The following DNAJC10 variants were observed in gnomAD, a reference collection of about 807,000 sequenced individuals.
DNAJC10 encodes the protein DnaJ heat shock protein family (Hsp40) member C10, also known as endoplasmic reticulum disulfide reductase DNAJC10.
Under a neutral mutation model 115.0 loss-of-function variants are expected in DNAJC10, and 101 were observed. That is an observed-to-expected ratio of 0.88 (90% CI 0.75 to 1.04). The LOEUF (loss-of-function observed/expected upper bound fraction) is 1.04. Ranked by LOEUF, DNAJC10 falls within the 50% of genes least tolerant of loss-of-function variation. The pLI, the probability that DNAJC10 is intolerant of heterozygous loss-of-function variation, is 0.00. For missense variants in DNAJC10, 981 were observed against 928.8 expected (o/e 1.06, Z -0.73); for synonymous variants, 307 against 301.5 (o/e 1.02, Z -0.19).
At position 182,718,237 on chromosome 2, in the gene DNAJC10, A is replaced by T. The variant is rs1278577283; in HGVS notation, c.151A>T (p.Ile51Leu). 2 of 1,612,942 alleles carry T rather than the reference A, an allele frequency of 1.2e-6. No homozygotes were observed. Among genetic ancestry groups the T allele is most frequent in the Non-Finnish European group, 8.5e-7 (1 of 1,179,710 alleles). ...GVSKTASSRE[I>L]RQAFKKLALK... ...GTCCAAAACTGCAAGCAGTAGAGAA[A>T]TAAGACAAGCTTTCAAGAAATTGGC... is the stretch of plus-strand genomic sequence containing the variant. Residue 51 changes from isoleucine (I) to leucine (L), a missense_variant, in exon 3 of 24, where the codon ATA becomes TTA. Ile to Leu is a conservative substitution (Grantham distance 5). Transcript: ENST00000264065.
intron 14 of DNAJC10, among the ~76,000 whole-genome samples, chr2:182,746,199 G>A (rs1460532271): frequency 3.9e-5 from 6 of 152,114 alleles, no homozygotes; most frequent in South Asian, 2.1e-4. Context: ...ATAAACATAC[G>A]TGTGCATGTG....
In DNAJC10 at chr2:182,788,486, A is replaced by T. The variant is rs1211697951; in HGVS notation, c.*11354A>T. The T allele has an allele frequency of 9.8e-6, 2 of 203,616 alleles. No individual in the cohort carries two copies. The highest frequency in any genetic ancestry group is 3.0e-4 in the East Asian group (2 of 6,698). 12.6% of individuals were successfully genotyped at this position (203,616 alleles called of 1,614,324 possible). A position where few individuals can be genotyped will look rare whatever the true frequency, so the allele number is the denominator to read the frequency against. On this transcript the variant is annotated 3_prime_UTR_variant, in exon 24 of 24. Transcript: ENST00000264065. Reference sequence around the variant, plus strand: ...AAATAAGTTATAAAACCACCAAAAAATAGGAGAAAATGGGAGTAAAAACAA... The same window carrying T: ...AAATAAGTTATAAAACCACCAAAAATTAGGAGAAAATGGGAGTAAAAACAA...
At chr2:182,755,175 T>C (rs1443897584) in intron 17 of DNAJC10, 71 bp downstream of exon 17, 1 of 909,872 alleles carries the variant, frequency 1.1e-6, no homozygotes, top group Admixed American at 1.9e-5. Flanking sequence ...GAATGTTTCA[T>C]ATTGTTTAAT....
At chr2:182,739,615 T>G in intron 11 of DNAJC10, 9 of 1,148,244 alleles carry the variant, frequency 7.8e-6, no homozygotes, top group Non-Finnish European at 9.8e-6. Context: ...GGATAAAATA[T>G]TGACAAATAA....
chr2:182,740,029 C>T, intron 11 of DNAJC10: 8 of 1,031,794 alleles, frequency 7.8e-6, no homozygotes, highest in Non-Finnish European at 8.2e-6. Context: ...GAATACACAT[C>T]ATAGTTAATT....
Position 182,789,065 on chromosome 2 carries a change from C to G in DNAJC10, c.*11933C>G. ...CCATAAAGCAAAACCTTTTTATTTACCAATGCTGCTAGACCCTGACAACCA... is the reference window on the plus strand; with the variant it reads ...CCATAAAGCAAAACCTTTTTATTTAGCAATGCTGCTAGACCCTGACAACCA... On this transcript the variant is annotated 3_prime_UTR_variant, in exon 24 of 24. Transcript: ENST00000264065. The G allele has an allele frequency of 3.8e-6, 1 of 264,330 alleles. No individual in the cohort carries two copies. Among genetic ancestry groups the G allele is most frequent in the South Asian group, 3.9e-5 (1 of 25,696 alleles). 16.4% of individuals were successfully genotyped at this position (264,330 alleles called of 1,614,324 possible).
At chr2:182,750,111 T>C (rs1693977815) in intron 14 of DNAJC10, among the ~76,000 whole-genome samples, 1 of 152,116 alleles carries the variant, frequency 6.6e-6, no homozygotes, top group African/African-American at 2.4e-5. Flanking sequence ...GCAAAGTCAG[T>C]ATTACTTGGT....
Position 182,727,549 on chromosome 2 carries a change from A to G in DNAJC10, c.419-1027A>G, listed in dbSNP as rs540583301. On this transcript the variant is annotated intron_variant, in intron 5 of 23. Transcript: ENST00000264065. ...TGAAAACATTGCCAAAGAACAGCCC[A>G]TAGTCCTGAATTACACACTTTGCCT... 5.3e-5 allele frequency among the ~76,000 whole-genome samples: 8 copies of G among 152,152 alleles called. No individual in the cohort carries two copies. The South Asian group carries it at 8.3e-4, about 16-fold the overall frequency.
chr2:182,757,642 T>A (rs750726998), intron 18 of DNAJC10, 50 bp from the exon 19 acceptor site: 7 of 1,368,552 alleles, frequency 5.1e-6, no homozygotes, highest in Non-Finnish European at 6.8e-6. Context: ...ATTTCTTTAT[T>A]GCAAACATAT....
At chr2:182,750,845 A>G (rs977092052) in intron 14 of DNAJC10, among the ~76,000 whole-genome samples, 1 of 152,184 alleles carries the variant, frequency 6.6e-6, no homozygotes, top group Non-Finnish European at 1.5e-5. Flanking sequence ...CAGCTCCATT[A>G]TAATCTTATG....
chr2:182,738,786 G>A (rs186666156), intron 11 of DNAJC10, among the ~76,000 whole-genome samples: 73 of 152,088 alleles, frequency 4.8e-4, no homozygotes, highest in African/African-American at 1.7e-3. Context: ...GTGATCTGCC[G>A]GCCTCGGCCT....
chr2:182,756,301 A>G lies in DNAJC10; in HGVS notation c.1654-13A>G. 2.5e-6 allele frequency: 4 copies of G among 1,604,356 alleles called. No homozygotes were observed. Among genetic ancestry groups the G allele is most frequent in the South Asian group, 2.2e-5 (2 of 89,330 alleles). On this transcript the variant is annotated splice_polypyrimidine_tract_variant and intron_variant, in intron 17 of 23. Coordinates refer to ENST00000264065, the MANE Select transcript of DNAJC10 (RefSeq NM_018981.4). ...TTATATATATGTTATAATGGAAGCT[A>G]TATTCTCTTCAGGATCTTATGAATC...
Position 182,777,213 on chromosome 2 carries a change from A to G in DNAJC10, c.*81A>G. The G allele has an allele frequency of 1.2e-6, 1 of 819,536 alleles. No homozygotes were observed. Among genetic ancestry groups the G allele is most frequent in the South Asian group, 3.1e-5 (1 of 32,310 alleles). 50.8% of individuals were successfully genotyped at this position (819,536 alleles called of 1,614,324 possible). ...GACACCTATTTAGAATGTTACATTT[A>G]TGATGGGAATGAATGAACATTATCT... is the stretch of plus-strand genomic sequence containing the variant. On this transcript the variant is annotated 3_prime_UTR_variant, in exon 24 of 24. Transcript: ENST00000264065.
chr2:182,756,416 CCGTGGTGT>C lies in DNAJC10; in HGVS notation c.1758_1765del (p.Trp587SerfsTer44). The C allele has an allele frequency of 6.2e-7, 1 of 1,614,042 alleles. No individual in the cohort carries two copies. The highest frequency in any genetic ancestry group is 8.5e-7 in the Non-Finnish European group (1 of 1,179,934). On this transcript the variant is annotated frameshift_variant, in exon 18 of 24. Coordinates refer to ENST00000264065, the MANE Select transcript of DNAJC10 (RefSeq NM_018981.4). LOFTEE classifies it high-confidence loss of function. ...AGTCTGGATGGTTGATTTCTATTCTCCGTGGTGTCATCCTTGCCAAGTCTTAATGCCAG... is the reference window on the plus strand; with the variant it reads ...AGTCTGGATGGTTGATTTCTATTCTCCATCCTTGCCAAGTCTTAATGCCAG...
intron 22 of DNAJC10, among the ~76,000 whole-genome samples, chr2:182,771,220 G>GAGGATTTTCACATCAATATTT (rs1172791521): frequency 6.6e-6 from 1 of 150,608 alleles, no homozygotes; most frequent in Non-Finnish European, 1.5e-5. Flanking sequence ...GTATTTTATT[G>GAGGATTTTCACATCAATATTT]AGGATTTTCA....
intron 22 of DNAJC10, among the ~76,000 whole-genome samples, chr2:182,765,169 G>A (rs1394650531): frequency 6.6e-6 from 1 of 152,190 alleles, no homozygotes; most frequent in East Asian, 1.9e-4. Flanking sequence ...ATCCCTTTGG[G>A]GCTGGTAATA....
At chr2:182,737,870 G>C (rs1465497046) in intron 11 of DNAJC10, among the ~76,000 whole-genome samples, 1 of 152,056 alleles carries the variant, frequency 6.6e-6, no homozygotes, top group Non-Finnish European at 1.5e-5. Flanking sequence ...AATTCATCAA[G>C]AAAATCTATG....
chr2:182,745,867 TC>T (rs1693850417), intron 14 of DNAJC10, among the ~76,000 whole-genome samples: 1 of 152,118 alleles, frequency 6.6e-6, no homozygotes, highest in African/African-American at 2.4e-5. Context: ...TAGGTATATC[TC>T]CCCATGCTAT....
chr2:182,733,355 C>T (rs754773522), intron 10 of DNAJC10, among the ~76,000 whole-genome samples: 2 of 151,550 alleles, frequency 1.3e-5, no homozygotes, highest in Non-Finnish European at 3.0e-5. Flanking sequence ...TGTTTCATTC[C>T]CTTTCTTATT....
Sources: allele counts gnomAD v4.1 joint callset (sites outside exome capture counted in the v4.1 genomes callset), GRCh38; gene constraint gnomAD v4.1.1; transcripts MANE v1.5; gene names NCBI Gene and HGNC (gene_info 2026-07-23, HGNC 2026-07-21).